GPC5: variants seen among roughly 807,000 people sequenced by gnomAD.
GPC5 encodes the protein glypican-5.
In GPC5, 47 loss-of-function variants were observed where a neutral mutation model predicts 53.9. The ratio of observed to expected loss-of-function variants is 0.87; its 90% confidence interval spans 0.69 to 1.11. The LOEUF (loss-of-function observed/expected upper bound fraction) is 1.11. GPC5 is among the 50% of genes most tolerant of loss of function. GPC5 has a pLI of 0.00. For synonymous variants in GPC5, 286 were observed against 263.3 expected (o/e 1.09, Z -0.84); for missense variants, 748 against 713.1 (o/e 1.05, Z -0.56).
chr13:92,016,603 GC>G (rs1304338399), intron 6 of GPC5, among the ~76,000 whole-genome samples: 1 of 152,062 alleles, frequency 6.6e-6, no homozygotes, highest in Non-Finnish European at 1.5e-5. Context: ...ACACGCCTAA[GC>G]TTTTAAATGG....
chr13:91,759,515 C>A (rs1180145387), intron 5 of GPC5, among the ~76,000 whole-genome samples: 2 of 152,024 alleles, frequency 1.3e-5, no homozygotes, highest in Non-Finnish European at 2.9e-5. Context: ...ATCCCCATTA[C>A]CCTCTTCCCA....
At chr13:92,389,653 C>T (rs1049813225) in intron 7 of GPC5, among the ~76,000 whole-genome samples, 4 of 152,052 alleles carry the variant, frequency 2.6e-5, no homozygotes, top group African/African-American at 9.7e-5. Flanking sequence ...CTGCTAACTA[C>T]TAGTAGGGAG....
intron 6 of GPC5, among the ~76,000 whole-genome samples, chr13:92,131,742 T>C (rs931514843): frequency 6.6e-6 from 1 of 151,994 alleles, no homozygotes; most frequent in Non-Finnish European, 1.5e-5. Context: ...ATTTCTAAGA[T>C]GATTTTTTTT....
chr13:92,650,980 T>G (rs1379590856), intron 7 of GPC5, among the ~76,000 whole-genome samples: 1 of 152,020 alleles, frequency 6.6e-6, no homozygotes, highest in East Asian at 1.9e-4. Context: ...GGACTCCCAC[T>G]TATGAGTGAG....
intron 7 of GPC5, among the ~76,000 whole-genome samples, chr13:92,855,885 A>G (rs1340853423): frequency 6.6e-6 from 1 of 152,070 alleles, no homozygotes; most frequent in East Asian, 1.9e-4. Flanking sequence ...TGAACCAAAA[A>G]AAGCCTTGCA....
chr13:92,166,976 A>G (rs998898761), intron 7 of GPC5, among the ~76,000 whole-genome samples: 1 of 149,582 alleles, frequency 6.7e-6, no homozygotes, highest in African/African-American at 2.5e-5. Context: ...ACACACACAC[A>G]CACACACACA....
intron 1 of GPC5, among the ~76,000 whole-genome samples, chr13:91,413,366 C>A (rs1418292968): frequency 6.7e-6 from 1 of 150,320 alleles, no homozygotes; most frequent in Non-Finnish European, 1.5e-5. Context: ...AAAAAAAAAA[C>A]TACTTACATA....
At chr13:91,480,402 C>T (rs1177633035) in intron 2 of GPC5, among the ~76,000 whole-genome samples, 1 of 152,156 alleles carries the variant, frequency 6.6e-6, no homozygotes, top group Non-Finnish European at 1.5e-5. Flanking sequence ...ACACATGTCT[C>T]TCTATAAAGA....
At chr13:91,552,267 A>G (rs1169803006) in intron 2 of GPC5, among the ~76,000 whole-genome samples, 1 of 152,044 alleles carries the variant, frequency 6.6e-6, no homozygotes, top group Non-Finnish European at 1.5e-5. Context: ...ATCTTATTTG[A>G]AAAGCTTAGG....
intron 5 of GPC5, among the ~76,000 whole-genome samples, chr13:91,786,252 C>A (rs2037877201): frequency 6.6e-6 from 1 of 152,206 alleles, no homozygotes; most frequent in Admixed American, 6.5e-5. Context: ...GCGTCAGCCT[C>A]CCAAAGTGCT....
intron 6 of GPC5, among the ~76,000 whole-genome samples, chr13:92,020,115 T>C (rs566723237): frequency 2.6e-4 from 40 of 152,234 alleles, no homozygotes; most frequent in Admixed American, 9.2e-4. Flanking sequence ...CCAGCAACAT[T>C]GCATTTCTCT....
intron 7 of GPC5, among the ~76,000 whole-genome samples, chr13:92,373,830 T>G (rs1200428593): frequency 1.3e-5 from 2 of 152,116 alleles, no homozygotes; most frequent in South Asian, 4.1e-4. Context: ...GCCACAACTA[T>G]CCAAGGTCAC....
intron 2 of GPC5, among the ~76,000 whole-genome samples, chr13:91,602,052 A>G (rs531736893): frequency 6.6e-6 from 1 of 152,330 alleles, no homozygotes; most frequent in East Asian, 1.9e-4. Flanking sequence ...ACAGTCTTGC[A>G]TCTGGTGTCT....
chr13:91,873,797 T>C (rs537903279), intron 5 of GPC5, among the ~76,000 whole-genome samples: 2 of 152,270 alleles, frequency 1.3e-5, no homozygotes, highest in South Asian at 4.1e-4. Context: ...ACTCCTCCTG[T>C]TAGCCTCCTG....
chr13:91,921,485 A>G (rs1366473573), intron 6 of GPC5, among the ~76,000 whole-genome samples: 1 of 152,198 alleles, frequency 6.6e-6, no homozygotes, highest in East Asian at 1.9e-4. Context: ...TGAAATAAAT[A>G]CTTAGAAAGA....
At position 91,756,414 on chromosome 13, in the gene GPC5, T is replaced by C; in HGVS notation, c.1274T>C (p.Val425Ala). The change falls in exon 5 of 8, where the codon GTA becomes GCA. Residue 425 changes from valine (V) to alanine (A), a missense_variant. By Grantham distance (64) the Val-to-Ala change is moderately conservative. Coordinates refer to ENST00000377067, the MANE Select transcript of GPC5 (RefSeq NM_004466.6). ...GLPCWNGEDIVKSYTQRVVGN... is the reference protein window; with the variant it reads ...GLPCWNGEDIAKSYTQRVVGN... The stretch of plus-strand genomic sequence containing the variant: ...CCCTGCTGGAATGGAGAAGATATAG[T>C]AAAAAGGTATTTTATGTGGTCTGTG... 2 of 1,580,356 alleles carry C rather than the reference T, an allele frequency of 1.3e-6. No individual in the cohort carries two copies. The highest frequency in any genetic ancestry group is 2.3e-5 in the South Asian group (2 of 87,322).
At chr13:92,554,334 A>G (rs1213897628) in intron 7 of GPC5, among the ~76,000 whole-genome samples, 1 of 151,918 alleles carries the variant, frequency 6.6e-6, no homozygotes, top group Non-Finnish European at 1.5e-5. Flanking sequence ...TCTTTTCAGT[A>G]TAACAGTGAA....
At chr13:92,374,000 T>G (rs191691239) in intron 7 of GPC5, among the ~76,000 whole-genome samples, 1 of 152,320 alleles carries the variant, frequency 6.6e-6, no homozygotes, top group East Asian at 1.9e-4. Flanking sequence ...TCTATTAATA[T>G]TATAGCATAC....
intron 5 of GPC5, among the ~76,000 whole-genome samples, chr13:91,857,476 A>C (rs180949121): frequency 6.6e-6 from 1 of 151,396 alleles, no homozygotes; most frequent in Non-Finnish European, 1.5e-5. Flanking sequence ...TTTAAAAGAA[A>C]TATAATTTAT....
Sources: allele counts gnomAD v4.1 joint callset (sites outside exome capture counted in the v4.1 genomes callset), GRCh38; gene constraint gnomAD v4.1.1; transcripts MANE v1.5; gene names NCBI Gene and HGNC (gene_info 2026-07-23, HGNC 2026-07-21).